The following MX1 variants were observed in gnomAD, a reference collection of about 807,000 sequenced individuals.
MX1 encodes the protein MX dynamin like GTPase 1, also known as interferon-induced GTP-binding protein Mx1.
In MX1, 66 loss-of-function variants were observed where a neutral mutation model predicts 66.4. The ratio of observed to expected loss-of-function variants is 0.99; its 90% confidence interval spans 0.82 to 1.22. The LOEUF is 1.22. Ranked by LOEUF, MX1 falls within the 50% of genes most tolerant of loss-of-function variation. The pLI is 0.00. For synonymous variants in MX1, 311 were observed against 318.1 expected (o/e 0.98, Z 0.24); for missense variants, 787 against 834.3 (o/e 0.94, Z 0.70).
chr21:41,449,434 A>C, intron 14 of MX1, 139 bp downstream of exon 14: 1 of 789,428 alleles, frequency 1.3e-6, no homozygotes, highest in African/African-American at 1.8e-5. Context: ...TCCAGATGCC[A>C]AGTTGGTATT....
chr21:41,454,740 G>C (rs2090918822), intron 16 of MX1, among the ~76,000 whole-genome samples: 1 of 152,098 alleles, frequency 6.6e-6, no homozygotes, highest in South Asian at 2.1e-4. Flanking sequence ...CACCTGAGGA[G>C]GTAAAGCAAA....
chr21:41,443,887 G>A, intron 11 of MX1, 21 bp downstream of exon 11: 3 of 1,612,322 alleles, frequency 1.9e-6, no homozygotes, highest in Non-Finnish European at 2.5e-6. Flanking sequence ...GCAGAGCTGT[G>A]GGTTCTCTAA....
intron 7 of MX1, among the ~76,000 whole-genome samples, chr21:41,438,893 G>A (rs8132871): frequency 0.16 from 23,973 of 151,994 alleles, 1,996 homozygotes; most frequent in South Asian, 0.22. Context: ...CTGTTTCCAA[G>A]GCCCCCCCGT....
intron 13 of MX1, among the ~76,000 whole-genome samples, chr21:41,446,675 A>G (rs2090672735): frequency 6.6e-6 from 1 of 152,228 alleles, no homozygotes; most frequent in African/African-American, 2.4e-5. Flanking sequence ...TTCAATTTGT[A>G]AAAAATACGG....
chr21:41,437,113 A>G lies in MX1; in HGVS notation c.397A>G (p.Ile133Val). 6.2e-7 allele frequency: 1 copy of G among 1,613,992 alleles called. No individual in the cohort carries two copies. Among genetic ancestry groups the G allele is most frequent in the Non-Finnish European group, 8.5e-7 (1 of 1,179,942 alleles). ...CAGTTACCAGGACTACGAGATTGAG[A>G]TTTCGGATGCTTCAGAGGTAGAAAA... ...KVSYQDYEIE[I>V]SDASEVEKEI... The change falls in exon 7 of 17, where the codon ATT (isoleucine) becomes GTT (valine). Residue 133 changes from isoleucine to valine, a missense_variant. Ile to Val is a conservative substitution (Grantham distance 29). Transcript: ENST00000398598.
chr21:41,430,968 T>C (rs1010233737), intron 4 of MX1, among the ~76,000 whole-genome samples: 3 of 152,250 alleles, frequency 2.0e-5, no homozygotes, highest in Non-Finnish European at 4.4e-5. Context: ...ATTTGGATTC[T>C]CTTGGCTACA....
At position 41,441,834 on chromosome 21, in the gene MX1, GCAGGAGATC is replaced by G; in HGVS notation, c.855_863del (p.Glu285_Gln287del). Reference sequence around the variant, plus strand: ...ACATGATTGTCAAGTGCCGGGGCCAGCAGGAGATCCAGGACCAGCTGAGCCTGTCCGAAG... The same window carrying G: ...ACATGATTGTCAAGTGCCGGGGCCAGCAGGACCAGCTGAGCCTGTCCGAAG... On this transcript the variant is annotated inframe_deletion, in exon 10 of 17. Coordinates refer to ENST00000398598, the MANE Select transcript of MX1 (RefSeq NM_002462.5). The surrounding 1 kb of genome is among the most constrained non-coding windows in gnomAD (Gnocchi z 4.0). 1 of 1,614,210 alleles carries G rather than the reference GCAGGAGATC, an allele frequency of 6.2e-7. No homozygotes were observed. Among genetic ancestry groups the G allele is most frequent in the Non-Finnish European group, 8.5e-7 (1 of 1,180,040 alleles).
At chr21:41,436,952 C>T in intron 6 of MX1, 63 bp from the exon 7 acceptor site, 5 of 1,587,630 alleles carry the variant, frequency 3.1e-6, no homozygotes, top group Non-Finnish European at 4.3e-6. Flanking sequence ...AACCATGGGC[C>T]TAAGGCGCTA....
chr21:41,449,377 C>A, intron 14 of MX1, 82 bp downstream of exon 14: 2 of 1,456,550 alleles, frequency 1.4e-6, no homozygotes, highest in Admixed American at 2.2e-5. Context: ...AACTTCAGCA[C>A]TTTCCTCCTG....
At chr21:41,432,478 T>C (rs986977102) in intron 5 of MX1, among the ~76,000 whole-genome samples, 1 of 152,212 alleles carries the variant, frequency 6.6e-6, no homozygotes, top group Non-Finnish European at 1.5e-5. Context: ...ACTAGGTTTG[T>C]TTTTCCTGCC....
intron 7 of MX1, 25 bp downstream of exon 7, chr21:41,437,177 T>C (rs993382023): frequency 6.2e-7 from 1 of 1,613,254 alleles, no homozygotes; most frequent in Non-Finnish European, 8.5e-7. Context: ...TTTGGATGCC[T>C]GGTCAAGCCT....
Position 41,449,543 on chromosome 21 carries a change from C to G in MX1, c.1432+248C>G, listed in dbSNP as rs531435652. ...ACAACACTGGCCCCAACTACAAATG[C>G]CGGTCACAAGTCCCAGACCTCCTAT... On this transcript the variant is annotated intron_variant, in intron 14 of 16. Coordinates refer to ENST00000398598, the MANE Select transcript of MX1 (RefSeq NM_002462.5). 1.6e-3 allele frequency: 590 copies of G among 375,934 alleles called. 1 individual carries two copies. The highest frequency in any genetic ancestry group is 4.2e-3 in the Middle Eastern group (6 of 1,444). 23.3% of individuals were successfully genotyped at this position (375,934 alleles called of 1,614,324 possible).
In MX1 at chr21:41,452,648, CAA is replaced by C; in HGVS notation, c.1538_1539del (p.Gln513ArgfsTer5). On this transcript the variant is annotated frameshift_variant, in exon 16 of 17. Coordinates refer to ENST00000398598, the MANE Select transcript of MX1 (RefSeq NM_002462.5). LOFTEE classifies it high-confidence loss of function. ...CAAAATTGAAGACATTAGAGCAGAA[CAA>C]GAGAGAGAAGGTGAGAAGCTGATCC... is the stretch of plus-strand genomic sequence containing the variant. ...KSKIEDIRAEQEREGEKLIRL... is the reference protein window; with the variant it reads ...KSKIEDIRAEXEREGEKLIRL... The C allele has an allele frequency of 6.2e-7, 1 of 1,613,980 alleles. No homozygotes were observed. The highest frequency in any genetic ancestry group is 8.5e-7 in the Non-Finnish European group (1 of 1,179,986).
rs1179236485 is a variant in MX1, at chr21:41,439,716, A to G, written c.459A>G (p.Glu153=). Residue 153 remains glutamate (E), a synonymous_variant, in exon 8 of 17, where the codon GAA becomes GAG. Coordinates refer to ENST00000398598, the MANE Select transcript of MX1 (RefSeq NM_002462.5). The part of the protein sequence containing the change: ...INKAQNAIAG[E]GMGISHELIT... Reference sequence around the variant, plus strand: ...TAGCCCAGAATGCCATCGCCGGGGAAGGAATGGGAATCAGTCATGAGCTAA... The same window carrying G: ...TAGCCCAGAATGCCATCGCCGGGGAGGGAATGGGAATCAGTCATGAGCTAA... 1 of 1,613,960 alleles carries G rather than the reference A, an allele frequency of 6.2e-7. No individual in the cohort carries two copies. Among genetic ancestry groups the G allele is most frequent in the Non-Finnish European group, 8.5e-7 (1 of 1,179,880 alleles).
intron 6 of MX1, among the ~76,000 whole-genome samples, 187 bp downstream of exon 6, chr21:41,436,216 A>T (rs1329839451): frequency 6.6e-6 from 1 of 152,192 alleles, no homozygotes; most frequent in Non-Finnish European, 1.5e-5. Flanking sequence ...CCGCTCCCCC[A>T]TGCGGCCTTC....
chr21:41,437,060 T>C lies in MX1; in HGVS notation c.344T>C (p.Val115Ala). The C allele has an allele frequency of 6.2e-7, 1 of 1,613,942 alleles. No homozygotes were observed. The highest frequency in any genetic ancestry group is 2.2e-5 in the East Asian group (1 of 44,876). Residue 115 changes from valine (V) to alanine (A), a missense_variant, in exon 7 of 17, where the codon GTG becomes GCG. By Grantham distance (64) the Val-to-Ala change is moderately conservative. Transcript: ENST00000398598. The stretch of plus-strand genomic sequence containing the variant: ...CTGGTGCTGAAACTGAAGAAACTTG[T>C]GAACGAAGATAAGTGGAGAGGCAAG... ...CPLVLKLKKL[V>A]NEDKWRGKVS...
rs8134150 is a variant in MX1 at position 41,441,032 on chromosome 21, G to A, written c.730+7G>A. On this transcript the variant is annotated splice_region_variant and intron_variant, in intron 9 of 16. Coordinates refer to ENST00000398598, the MANE Select transcript of MX1 (RefSeq NM_002462.5). The surrounding 1 kb of genome is among the most constrained non-coding windows in gnomAD (Gnocchi z 4.0). ...GAGGGAGACAGGACCATCGGTGAGA[G>A]TGGGGGAGCCCCACTGTGCTCAGTG... is the stretch of plus-strand genomic sequence containing the variant. 6 of 1,604,700 alleles carry A rather than the reference G, an allele frequency of 3.7e-6. No homozygotes were observed. Among genetic ancestry groups the A allele is most frequent in the Non-Finnish European group, 4.3e-6 (5 of 1,175,358 alleles).
intron 13 of MX1, among the ~76,000 whole-genome samples, chr21:41,446,915 G>A (rs2090679002): frequency 1.3e-5 from 2 of 152,200 alleles, no homozygotes; most frequent in Admixed American, 1.3e-4. Context: ...GGCAGTTGGG[G>A]AGGATGGTCA....
At chr21:41,435,562 A>G (rs935697913) in intron 5 of MX1, among the ~76,000 whole-genome samples, 5 of 152,192 alleles carry the variant, frequency 3.3e-5, no homozygotes, top group African/African-American at 1.2e-4. Flanking sequence ...GGAGGAAGGC[A>G]TCTCTTCACA....
Sources: gnomAD v4.1 joint callset for allele counts (sites outside exome capture counted in the v4.1 genomes callset) on GRCh38, gnomAD v4.1.1 for gene constraint, Gnocchi (gnomAD v3.1) non-coding constraint, MANE v1.5 for transcripts, NCBI Gene and HGNC (gene_info 2026-07-23, HGNC 2026-07-21) for gene names.